DNAJB1: variants seen among roughly 807,000 people sequenced by gnomAD.
DNAJB1 encodes the protein DnaJ heat shock protein family (Hsp40) member B1, also known as dnaJ homolog subfamily B member 1.
In DNAJB1, 14 loss-of-function variants were observed where a neutral mutation model predicts 24.0. The observed-to-expected ratio is 0.58, with a 90% confidence interval of 0.39 to 0.91. DNAJB1 has a LOEUF of 0.91. Among genes scored for constraint, DNAJB1 ranks in the 40% least tolerant of loss-of-function variants. The pLI is 0.00. For synonymous variants in DNAJB1, 262 were observed against 174.4 expected (o/e 1.50, Z -3.96); for missense variants, 517 against 458.1 (o/e 1.13, Z -1.17).
chr19:14,529,830 A>G, upstream of DNAJB1: 2 of 1,443,426 alleles, frequency 1.4e-6, no homozygotes, highest in Non-Finnish European at 1.9e-6. Context: ...CAGACGGCGC[A>G]GGCGCAGTGG....
intron 1 of DNAJB1, among the ~76,000 whole-genome samples, chr19:14,540,599 C>T (rs1191629239): frequency 6.6e-6 from 1 of 151,670 alleles, no homozygotes; most frequent in Non-Finnish European, 1.5e-5. Context: ...ATTGTGTTGG[C>T]CAGGCTGGTC....
At chr19:14,521,413 C>A (rs1056071025), upstream of DNAJB1, among the ~76,000 whole-genome samples, 3 of 151,150 alleles carry the variant, frequency 2.0e-5, no homozygotes, top group African/African-American at 7.3e-5. Flanking sequence ...GAGCCAAGAT[C>A]GTGCCACTGT....
chr19:14,539,885 T>C (rs1184198988), intron 1 of DNAJB1, among the ~76,000 whole-genome samples: 3 of 150,468 alleles, frequency 2.0e-5, no homozygotes, highest in South Asian at 2.1e-4. Context: ...TCTTTCTTTT[T>C]TTTTTTTTTT....
At chr19:14,559,786 CA>C (rs5827240) in intron 1 of DNAJB1, among the ~76,000 whole-genome samples, 80,427 of 138,908 alleles carry the variant, frequency 0.58, 22,723 homozygotes, top group African/African-American at 0.71. Flanking sequence ...GACTCTGTCT[CA>C]AAAAAAAAAA....
At chr19:14,532,535 AGGG>A (rs1330193073), upstream of DNAJB1, 1 of 144,372 alleles carries the variant, frequency 6.9e-6, no homozygotes, top group Admixed American at 6.9e-5. Context: ...AAAAAAAAAA[AGGG>A]AAGCTTCAAA....
At chr19:14,549,443 T>G (rs1289679335) in intron 1 of DNAJB1, among the ~76,000 whole-genome samples, 1 of 151,910 alleles carries the variant, frequency 6.6e-6, no homozygotes, top group African/African-American at 2.4e-5. Flanking sequence ...GAACTCCTAG[T>G]CTTGAAGACC....
chr19:14,539,295 C>T (rs1450176057), intron 1 of DNAJB1, among the ~76,000 whole-genome samples: 1 of 151,904 alleles, frequency 6.6e-6, no homozygotes, highest in Non-Finnish European at 1.5e-5. Context: ...CACCTGGCTG[C>T]AAGTCACATT....
At chr19:14,557,746 C>T (rs2073780603) in intron 1 of DNAJB1, among the ~76,000 whole-genome samples, 1 of 149,716 alleles carries the variant, frequency 6.7e-6, no homozygotes, top group Non-Finnish European at 1.5e-5. Flanking sequence ...GCCACCGTGC[C>T]CGGTCATCAT....
chr19:14,517,027 G>A lies in DNAJB1; in HGVS notation c.231C>T (p.Pro77=), dbSNP rs867024378. ...YGEEGLKGSG[P]SGGSGGGANG... ...TGGCACCACCGCCGCTACCGCCACT[G>A]GGGCCACTCCCCTTTAGGCCTGAAA... The change falls in exon 2 of 3, where the codon CCC becomes CCT. Residue 77 remains proline, a synonymous_variant. Coordinates refer to ENST00000254322, the MANE Select transcript of DNAJB1 (RefSeq NM_006145.3). 5 of 1,610,300 alleles carry A rather than the reference G, an allele frequency of 3.1e-6. No homozygotes were observed. In the Middle Eastern group the frequency reaches 8.3e-4, roughly 266 times the overall value.
At chr19:14,518,074 C>T in intron 1 of DNAJB1, 65 bp downstream of exon 1, 6 of 1,368,140 alleles carry the variant, frequency 4.4e-6, no homozygotes, top group Non-Finnish European at 5.7e-6. Flanking sequence ...CCGAGAGGGG[C>T]CAGCGTGCCT....
intron 2 of DNAJB1, 126 bp from the exon 3 acceptor site, chr19:14,516,296 C>T: frequency 7.8e-7 from 1 of 1,282,944 alleles, no homozygotes. Flanking sequence ...CCCAAATCTA[C>T]ACGTCCCCAC....
rs1186074625 is a variant in DNAJB1 at position 14,515,652 on chromosome 19, G to A, written c.*288C>T. On this transcript the variant is annotated 3_prime_UTR_variant, in exon 3 of 3. Transcript: ENST00000254322. ...GGTCTGCCTCTCACCCCTGGCCAGG[G>A]ACTGGAGGTGGATGTGGGCCCATCC... 1.2e-5 allele frequency: 5 copies of A among 400,964 alleles called. No homozygotes were observed. The highest frequency in any genetic ancestry group is 2.2e-5 in the Non-Finnish European group (5 of 222,606). 24.8% of individuals were successfully genotyped at this position (400,964 alleles called of 1,614,324 possible).
chr19:14,514,878 G>C lies in DNAJB1; in HGVS notation c.*1062C>G, dbSNP rs2072228863. On this transcript the variant is annotated 3_prime_UTR_variant, in exon 3 of 3. Coordinates refer to ENST00000254322, the MANE Select transcript of DNAJB1 (RefSeq NM_006145.3). ...AATGAGTCTAAAGGTCTGAGCACTG[G>C]ACTGGCCTCCAGGGAACAGACATTT... is the stretch of plus-strand genomic sequence containing the variant. 1 of 152,620 alleles carries C rather than the reference G, an allele frequency of 6.6e-6. No individual in the cohort carries two copies. Among genetic ancestry groups the C allele is most frequent in the Non-Finnish European group, 1.5e-5 (1 of 68,072 alleles). 9.5% of individuals were successfully genotyped at this position (152,620 alleles called of 1,614,324 possible).
chr19:14,522,281 G>A (rs1211328649), upstream of DNAJB1, among the ~76,000 whole-genome samples: 1 of 152,024 alleles, frequency 6.6e-6, no homozygotes, highest in Non-Finnish European at 1.5e-5. Context: ...TCAAGGATGT[G>A]AGGATGTAAG....
At chr19:14,527,939 G>A (rs2072466058) in intron 1 of DNAJB1, 1 of 151,926 alleles carries the variant, frequency 6.6e-6, no homozygotes. Flanking sequence ...CGCCCAGGCT[G>A]GAGTGCAGTG....
chr19:14,556,562 C>T (rs969593917), intron 1 of DNAJB1, among the ~76,000 whole-genome samples: 2 of 152,128 alleles, frequency 1.3e-5, no homozygotes, highest in Non-Finnish European at 2.9e-5. Context: ...GTCCCATGAA[C>T]CCCAGAGGCT....
intron 1 of DNAJB1, among the ~76,000 whole-genome samples, chr19:14,540,835 T>TTTTG (rs545326932): frequency 2.0e-5 from 3 of 152,080 alleles, no homozygotes; most frequent in East Asian, 1.9e-4. Context: ...GGCTGCTTTT[T>TTTTG]TTTGTTTGTT....
At chr19:14,549,201 T>C (rs1483105302) in intron 1 of DNAJB1, among the ~76,000 whole-genome samples, 3 of 150,278 alleles carry the variant, frequency 2.0e-5, no homozygotes, top group Non-Finnish European at 4.4e-5. Flanking sequence ...TTCCACAACC[T>C]TTAATTGGAC....
At chr19:14,520,806 G>A (rs532486070), upstream of DNAJB1, among the ~76,000 whole-genome samples, 4 of 152,224 alleles carry the variant, frequency 2.6e-5, no homozygotes, top group Admixed American at 2.6e-4. Flanking sequence ...GCAACATAGT[G>A]AGACCCCATC....
Sources: gnomAD v4.1 joint callset for allele counts (sites outside exome capture counted in the v4.1 genomes callset) on GRCh38, gnomAD v4.1.1 for gene constraint, MANE v1.5 for transcripts, NCBI Gene and HGNC (gene_info 2026-07-23, HGNC 2026-07-21) for gene names.